The following TMCO5A variants were observed in gnomAD, a reference collection of about 807,000 sequenced individuals.
TMCO5A encodes transmembrane and coiled-coil domains 5A.
Under a neutral mutation model 42.3 loss-of-function variants are expected in TMCO5A, and 34 were observed. That is an observed-to-expected ratio of 0.80 (90% confidence interval 0.61 to 1.07). The LOEUF (loss-of-function observed/expected upper bound fraction) is 1.07. Ranked by LOEUF, TMCO5A falls within the 50% of genes least tolerant of loss-of-function variation. The probability of loss-of-function intolerance (pLI) is 0.00; values close to 1 mark genes in which losing one functional copy is unlikely to be tolerated. For missense variants in TMCO5A, 357 were observed against 327.9 expected (o/e 1.09, Z -0.69); for synonymous variants, 131 against 115.6 (o/e 1.13, Z -0.86).
At chr15:37,957,129 A>G (rs1339514471) in intron 11 of TMCO5A, among the ~76,000 whole-genome samples, 1 of 152,194 alleles carries the variant, frequency 6.6e-6, no homozygotes, top group East Asian at 1.9e-4. Flanking sequence ...CCCACAGCCA[A>G]TATCATACTG....
At chr15:37,956,350 CA>C (rs1890291044), downstream of TMCO5A, among the ~76,000 whole-genome samples, 2 of 151,860 alleles carry the variant, frequency 1.3e-5, no homozygotes, top group South Asian at 4.2e-4. Context: ...GACCACTAGC[CA>C]GACTAATAAA....
At chr15:38,010,425 T>TCACA in the TMCO5A span, among the ~76,000 whole-genome samples, 962 of 117,452 alleles carry the variant, frequency 8.2e-3, 4 homozygotes, top group Middle Eastern at 0.03. Context: ...CAGAGGGAGA[T>TCACA]CACACACACA....
chr15:37,942,157 T>C, intron 8 of TMCO5A, 34 bp from the exon 9 acceptor site: 1 of 1,598,828 alleles, frequency 6.3e-7, no homozygotes, highest in African/African-American at 1.3e-5. Flanking sequence ...ACCTTCTAAG[T>C]AGTAACTGTG....
At chr15:38,030,699 G>T in the TMCO5A span, among the ~76,000 whole-genome samples, 8 of 152,068 alleles carry the variant, frequency 5.3e-5, no homozygotes, top group Non-Finnish European at 1.0e-4. Context: ...ACACCTACCT[G>T]CAATCTGCAC....
Position 37,941,748 on chromosome 15 carries a change from AG to A in TMCO5A, c.504+21del, listed in dbSNP as rs1447712000. 5 of 1,599,710 alleles carry A rather than the reference AG, an allele frequency of 3.1e-6. No individual in the cohort carries two copies. The African/African-American group carries it at 5.4e-5, about 17-fold the overall frequency. ...ACATAAAGGTAGAGCTTCTTGGTAA[AG>A]GGATAGCAAAGGGTTTATTAAGGTA... On this transcript the variant is annotated intron_variant, in intron 8 of 11. Coordinates refer to ENST00000319669, the MANE Select transcript of TMCO5A (RefSeq NM_152453.4).
the TMCO5A span, among the ~76,000 whole-genome samples, chr15:38,018,862 A>G: frequency 0.014 from 2,115 of 152,268 alleles, 48 homozygotes; most frequent in African/African-American, 0.048. Flanking sequence ...TGCATAAGAA[A>G]TGAAAATTAG....
the TMCO5A span, among the ~76,000 whole-genome samples, chr15:38,011,865 T>C: frequency 3.3e-5 from 5 of 152,222 alleles, no homozygotes; most frequent in African/African-American, 7.2e-5. Flanking sequence ...TGGCTCATGC[T>C]TGTAATCCCA....
the TMCO5A span, among the ~76,000 whole-genome samples, chr15:38,005,488 G>T: frequency 6.6e-6 from 1 of 151,518 alleles, no homozygotes; most frequent in Non-Finnish European, 1.5e-5. Context: ...GTCAGGGGAG[G>T]ATCCCTTGAG....
the TMCO5A span, among the ~76,000 whole-genome samples, chr15:38,016,944 CAG>C: frequency 6.6e-6 from 1 of 151,412 alleles, no homozygotes; most frequent in Non-Finnish European, 1.5e-5. Context: ...CTCTAAAGAA[CAG>C]ATTATGAACA....
the TMCO5A span, among the ~76,000 whole-genome samples, chr15:37,979,440 C>A: frequency 6.6e-6 from 1 of 152,154 alleles, no homozygotes; most frequent in East Asian, 1.9e-4. Context: ...CATTTACCAG[C>A]ACCCTGCCAC....
chr15:37,945,684 G>A (rs1889923324), intron 10 of TMCO5A, among the ~76,000 whole-genome samples: 1 of 152,116 alleles, frequency 6.6e-6, no homozygotes, highest in African/African-American at 2.4e-5. Context: ...TTTGAGAAGT[G>A]TCTGTTCATC....
At chr15:38,000,472 C>T in the TMCO5A span, among the ~76,000 whole-genome samples, 1 of 151,650 alleles carries the variant, frequency 6.6e-6, no homozygotes, top group Admixed American at 6.6e-5. Context: ...ACAAACTTTT[C>T]ATTTCATTGA....
intron 6 of TMCO5A, among the ~76,000 whole-genome samples, chr15:37,940,040 T>A (rs1889676783): frequency 6.6e-6 from 1 of 152,122 alleles, no homozygotes; most frequent in South Asian, 2.1e-4. Flanking sequence ...CTGTTACTAC[T>A]ATCCTTTTGC....
At chr15:37,963,089 C>T (rs1199501031) in intron 11 of TMCO5A, among the ~76,000 whole-genome samples, 2 of 151,892 alleles carry the variant, frequency 1.3e-5, no homozygotes, top group Non-Finnish European at 2.9e-5. Context: ...CTTTCTTCTG[C>T]TGGGTTTGGT....
rs1889558098 is a variant in TMCO5A at position 37,937,398 on chromosome 15, T to C, written c.315+2T>C. On this transcript the variant is annotated splice_donor_variant, in intron 5 of 11. Coordinates refer to ENST00000319669, the MANE Select transcript of TMCO5A (RefSeq NM_152453.4). LOFTEE classifies it high-confidence loss of function. ...AGTATAACAGAACTTCAACAAAAGG[T>C]GAGGTAGGGTACTTGTGTTCTCCAG... 4 of 1,612,764 alleles carry C rather than the reference T, an allele frequency of 2.5e-6. No individual in the cohort carries two copies. The highest frequency in any genetic ancestry group is 3.4e-6 in the Non-Finnish European group (4 of 1,179,258).
the TMCO5A span, among the ~76,000 whole-genome samples, chr15:38,008,557 G>A: frequency 6.6e-6 from 1 of 152,148 alleles, no homozygotes; most frequent in African/African-American, 2.4e-5. Flanking sequence ...AAAATTAGAA[G>A]ATCTCTTCAG....
chr15:38,024,525 G>T, the TMCO5A span, among the ~76,000 whole-genome samples: 2 of 152,192 alleles, frequency 1.3e-5, no homozygotes, highest in South Asian at 4.1e-4. Context: ...ATAGATGTGG[G>T]GGTTGTTTCA....
At chr15:38,019,368 A>AT in the TMCO5A span, among the ~76,000 whole-genome samples, 1 of 152,188 alleles carries the variant, frequency 6.6e-6, no homozygotes, top group Non-Finnish European at 1.5e-5. Flanking sequence ...TAGAATATTT[A>AT]TTTTGCATGG....
rs1461882628 is a variant in TMCO5A, at chr15:37,941,684, A to G, written c.458A>G (p.Tyr153Cys). The G allele has an allele frequency of 2.5e-6, 4 of 1,610,600 alleles. No individual in the cohort carries two copies. Among genetic ancestry groups the G allele is most frequent in the African/African-American group, 2.7e-5 (2 of 74,814 alleles). The change falls in exon 8 of 12, where the codon TAT becomes TGT. Residue 153 changes from tyrosine (Y) to cysteine (C), a missense_variant. Physicochemically the swap from Tyr to Cys is radical, Grantham distance 194. Transcript: ENST00000319669. ...EKELLKVMKEYAFVTQLCEDQ... is the reference protein window; with the variant it reads ...EKELLKVMKECAFVTQLCEDQ... ...TTGATTTCCTAGGTAATGAAGGAGT[A>G]TGCATTTGTGACCCAGCTCTGTGAA...
Sources: gnomAD v4.1 joint callset for allele counts (sites outside exome capture counted in the v4.1 genomes callset) on GRCh38, gnomAD v4.1.1 for gene constraint, MANE v1.5 for transcripts, NCBI Gene and HGNC (gene_info 2026-07-23, HGNC 2026-07-21) for gene names.